RNF227: variants seen among roughly 807,000 people sequenced by gnomAD.
RNF227 encodes long intergenic non-protein coding RNA 2581.
RNF227 carries 8 observed loss-of-function variants against 4.9 expected under a neutral mutation model. The observed-to-expected ratio is 1.65, with a 90% CI of 0.97 to 2.98. The LOEUF (loss-of-function observed/expected upper bound fraction) is 2.98, where lower values mean the gene tolerates loss of function less well. Ranked by LOEUF, RNF227 falls within the 30% of genes most tolerant of loss-of-function variation. The pLI is 0.00. For synonymous variants in RNF227, 63 were observed against 28.1 expected, an observed-to-expected ratio of 2.25 and a Z score of -3.94; for missense variants, 136 against 65.4, an observed-to-expected ratio of 2.08 and a Z score of -3.72.
In RNF227 at chr17:7,915,756, C is replaced by G; in HGVS notation, c.440G>C (p.Gly147Ala). The change falls in exon 1 of 2, where the codon GGG becomes GCG. Residue 147 changes from glycine (G) to alanine (A), a missense_variant. Coordinates refer to ENST00000324348, the MANE Select transcript of RNF227 (RefSeq NM_001358699.2). ...CCAGAGCCGCCGGAGCGCGCGCCAC[C>G]CAGCACTCCTAGGCCCCGCCCCCTT... is the stretch of plus-strand genomic sequence containing the variant. ...SEKGAGPRSA[G>A]WRALRRLWDR... 1 of 702,694 alleles carries G rather than the reference C, an allele frequency of 1.4e-6. No individual in the cohort carries two copies. The highest frequency in any genetic ancestry group is 1.5e-5 in the South Asian group (1 of 67,598). The allele number at this position is 702,694 out of a possible 1,614,324, so 43.5% of individuals were successfully genotyped here. A position where few individuals can be genotyped will look rare whatever the true frequency, so the allele number is the denominator to read the frequency against.
Position 7,914,045 on chromosome 17 carries a change from T to A in RNF227, c.*1477A>T, listed in dbSNP as rs1971923484. ...AGGCAGAGCTTGCAGTGAGCCGAGA[T>A]CACGCCACTGCACTCCAGTCTGGGC... On this transcript the variant is annotated 3_prime_UTR_variant, in exon 2 of 2. Coordinates refer to ENST00000324348, the MANE Select transcript of RNF227 (RefSeq NM_001358699.2). The A allele has an allele frequency of 6.8e-6, 1 of 146,902 alleles. No homozygotes were observed. Among genetic ancestry groups the A allele is most frequent in the Admixed American group, 6.9e-5 (1 of 14,554 alleles). 9.1% of individuals were successfully genotyped at this position (146,902 alleles called of 1,614,324 possible).
chr17:7,915,830 CT>C lies in RNF227; in HGVS notation c.365del (p.Lys122ArgfsTer64), dbSNP rs1461508316. On this transcript the variant is annotated frameshift_variant, in exon 1 of 2. Coordinates refer to ENST00000324348, the MANE Select transcript of RNF227 (RefSeq NM_001358699.2). LOFTEE classifies it high-confidence loss of function. Reference protein sequence around the residue: ...CERDEAGNPAKESSDADGEAE... With the variant: ...CERDEAGNPAXESSDADGEAE... ...CCTCTCCGTCAGCGTCGCTGCTTTC[CT>C]TGGCCGGGTTCCCAGCCTCATCTCG... 1 of 702,828 alleles carries C rather than the reference CT, an allele frequency of 1.4e-6. No individual in the cohort carries two copies. The allele number at this position is 702,828 out of a possible 1,614,324, so 43.5% of individuals were successfully genotyped here. A position where few individuals can be genotyped will look rare whatever the true frequency, so the allele number is the denominator to read the frequency against.
rs891972374 is a variant in RNF227, at chr17:7,913,440, A to C, written c.*2082T>G. On this transcript the variant is annotated 3_prime_UTR_variant, in exon 2 of 2. Coordinates refer to ENST00000324348, the MANE Select transcript of RNF227 (RefSeq NM_001358699.2). ...GTCAGCCCTTGCTCCCATAGGGCTT[A>C]CACTCCAGTGGGGACACCCACAAAG... 1.3e-5 allele frequency: 2 copies of C among 152,198 alleles called. No homozygotes were observed. Among genetic ancestry groups the C allele is most frequent in the African/African-American group, 2.4e-5 (1 of 41,432 alleles). 9.4% of individuals were successfully genotyped at this position (152,198 alleles called of 1,614,324 possible).
Position 7,915,777 on chromosome 17 carries a change from C to G in RNF227, c.419G>C (p.Gly140Ala). 1 of 702,706 alleles carries G rather than the reference C, an allele frequency of 1.4e-6. No individual in the cohort carries two copies. Among genetic ancestry groups the G allele is most frequent in the Non-Finnish European group, 2.6e-6 (1 of 384,756 alleles). The allele number at this position is 702,706 out of a possible 1,614,324, so 43.5% of individuals were successfully genotyped here. A position where few individuals can be genotyped will look rare whatever the true frequency, so the allele number is the denominator to read the frequency against. Residue 140 changes from glycine (G) to alanine (A), a missense_variant, in exon 1 of 2, where the codon GGG (glycine) becomes GCG (alanine). Physicochemically the swap from Gly to Ala is moderately conservative, Grantham distance 60. Coordinates refer to ENST00000324348, the MANE Select transcript of RNF227 (RefSeq NM_001358699.2). ...CCACCCAGCACTCCTAGGCCCCGCC[C>G]CCTTCTCGCTCTCCCCTTCTTCCTC... ...EAEEEGESEK[G>A]AGPRSAGWRA...
rs1971966508 is a variant in RNF227, at chr17:7,916,014, C to A, written c.182G>T (p.Gly61Val). ...CLRELAARGD[G>V]GGAAARVVRL... The stretch of plus-strand genomic sequence containing the variant: ...CACCACGCGCGCGGCCGCCCCGCCG[C>A]CGTCCCCGCGCGCCGCCAGCTCGCG... Residue 61 changes from glycine (G) to valine (V), a missense_variant, in exon 1 of 2, where the codon GGC becomes GTC. Transcript: ENST00000324348. 2.9e-6 allele frequency: 1 copy of A among 350,184 alleles called. No homozygotes were observed. The allele number at this position is 350,184 out of a possible 1,614,324, so 21.7% of individuals were successfully genotyped here.
In RNF227 at chr17:7,916,101, G is replaced by A. The variant is rs1971968479; in HGVS notation, c.95C>T (p.Pro32Leu). 1 of 392,480 alleles carries A rather than the reference G, an allele frequency of 2.5e-6. No individual in the cohort carries two copies. The highest frequency in any genetic ancestry group is 1.3e-4 in the South Asian group (1 of 7,816). 24.3% of individuals were successfully genotyped at this position (392,480 alleles called of 1,614,324 possible). A position where few individuals can be genotyped will look rare whatever the true frequency, so the allele number is the denominator to read the frequency against. The change falls in exon 1 of 2, where the codon CCC becomes CTC. Residue 32 changes from proline to leucine, a missense_variant. Pro to Leu is a moderately conservative substitution (Grantham distance 98, BLOSUM62 -3). Transcript: ENST00000324348. ...YRPFNLGCRA[P>L]RRLPGTARAR... is the part of the protein sequence containing the mutation. ...GCGCGCCGTTCCGGGCAGGCGGCGG[G>A]GCGCGCGGCACCCGAGGTTGAAAGG...
At position 7,915,286 on chromosome 17, in the gene RNF227, C is replaced by T; in HGVS notation, c.*236G>A. 1 of 640,532 alleles carries T rather than the reference C, an allele frequency of 1.6e-6. No homozygotes were observed. The highest frequency in any genetic ancestry group is 2.9e-6 in the Non-Finnish European group (1 of 350,760). The allele number at this position is 640,532 out of a possible 1,614,324, so 39.7% of individuals were successfully genotyped here. On this transcript the variant is annotated 3_prime_UTR_variant, in exon 2 of 2. Coordinates refer to ENST00000324348, the MANE Select transcript of RNF227 (RefSeq NM_001358699.2). ...GTAACGTAGGCTTTGTTTATATCAT[C>T]CCTTGGCCACTCCATCCTGAAAATG...
chr17:7,913,429 C>T lies in RNF227; in HGVS notation c.*2093G>A, dbSNP rs1971904679. On this transcript the variant is annotated 3_prime_UTR_variant, in exon 2 of 2. Transcript: ENST00000324348. The stretch of plus-strand genomic sequence containing the variant: ...AACAGTCACAGGTCAGCCCTTGCTC[C>T]CATAGGGCTTACACTCCAGTGGGGA... The T allele has an allele frequency of 6.6e-6, 1 of 152,100 alleles. No individual in the cohort carries two copies. Among genetic ancestry groups the T allele is most frequent in the Admixed American group, 6.5e-5 (1 of 15,276 alleles). 9.4% of individuals were successfully genotyped at this position (152,100 alleles called of 1,614,324 possible). A position where few individuals can be genotyped will look rare whatever the true frequency, so the allele number is the denominator to read the frequency against.
rs1465850917 is a variant in RNF227 at position 7,915,899 on chromosome 17, G to A, written c.297C>T (p.Asp99=). Reference sequence around the variant, plus strand: ...CTTTTTCCTCCAATCGCGACCACAAGTCCGAGTCAAGAGCCATCTCCGTGA... The same window carrying A: ...CTTTTTCCTCCAATCGCGACCACAAATCCGAGTCAAGAGCCATCTCCGTGA... The part of the protein sequence containing the change: ...GGLTEMALDS[D]LWSRLEEKAR... The change falls in exon 1 of 2, where the codon GAC becomes GAT. Residue 99 remains aspartate (D), a synonymous_variant. Coordinates refer to ENST00000324348, the MANE Select transcript of RNF227 (RefSeq NM_001358699.2). 1 of 702,338 alleles carries A rather than the reference G, an allele frequency of 1.4e-6. No homozygotes were observed. The highest frequency in any genetic ancestry group is 1.5e-5 in the South Asian group (1 of 67,590). The allele number at this position is 702,338 out of a possible 1,614,324, so 43.5% of individuals were successfully genotyped here.
At position 7,913,520 on chromosome 17, in the gene RNF227, G is replaced by C. The variant is rs12944116; in HGVS notation, c.*2002C>G. On this transcript the variant is annotated 3_prime_UTR_variant, in exon 2 of 2. Coordinates refer to ENST00000324348, the MANE Select transcript of RNF227 (RefSeq NM_001358699.2). The stretch of plus-strand genomic sequence containing the variant: ...AGGGCATTATGTTACAGAGGGGTGG[G>C]GGAAAAGGCTCTACTATGTTGAAGG... 1 of 151,994 alleles carries C rather than the reference G, an allele frequency of 6.6e-6. No homozygotes were observed. The highest frequency in any genetic ancestry group is 2.4e-5 in the African/African-American group (1 of 41,344). The allele number at this position is 151,994 out of a possible 1,614,324, so 9.4% of individuals were successfully genotyped here.
At chr17:7,915,605 A>G (rs1269934269) in intron 1 of RNF227, 28 bp from the exon 2 acceptor site, 2 of 702,960 alleles carry the variant, frequency 2.8e-6, no homozygotes, top group African/African-American at 3.5e-5. Flanking sequence ...GGTTAGTGGC[A>G]GCAGGAGCAT....
Position 7,914,801 on chromosome 17 carries a change from T to A in RNF227, c.*721A>T, listed in dbSNP as rs771817371. 2.6e-5 allele frequency: 4 copies of A among 153,800 alleles called. No individual in the cohort carries two copies. Among genetic ancestry groups the A allele is most frequent in the Non-Finnish European group, 5.8e-5 (4 of 69,088 alleles). 9.5% of individuals were successfully genotyped at this position (153,800 alleles called of 1,614,324 possible). A position where few individuals can be genotyped will look rare whatever the true frequency, so the allele number is the denominator to read the frequency against. On this transcript the variant is annotated 3_prime_UTR_variant, in exon 2 of 2. Coordinates refer to ENST00000324348, the MANE Select transcript of RNF227 (RefSeq NM_001358699.2). The stretch of plus-strand genomic sequence containing the variant: ...ATAAGTATCTTTTCAGTAGCGCTAG[T>A]GTGTTCCCGTGACTGTAAAGATAAC...
chr17:7,916,115 G>A lies in RNF227; in HGVS notation c.81C>T (p.Leu27=), dbSNP rs1224506598. The part of the protein sequence containing the change: ...DCNICYRPFN[L]GCRAPRRLPG... ...GCAGGCGGCGGGGCGCGCGGCACCC[G>A]AGGTTGAAAGGACGGTAGCAGATGT... Residue 27 remains leucine (L), a synonymous_variant, in exon 1 of 2, where the codon CTC becomes CTT. Coordinates refer to ENST00000324348, the MANE Select transcript of RNF227 (RefSeq NM_001358699.2). The A allele has an allele frequency of 1.0e-5, 4 of 395,700 alleles. No individual in the cohort carries two copies. The highest frequency in any genetic ancestry group is 1.8e-5 in the Non-Finnish European group (4 of 224,274). 24.5% of individuals were successfully genotyped at this position (395,700 alleles called of 1,614,324 possible).
Position 7,915,821 on chromosome 17 carries a change from G to A in RNF227, c.375C>T (p.Ser125=). 1 of 702,748 alleles carries A rather than the reference G, an allele frequency of 1.4e-6. No individual in the cohort carries two copies. The highest frequency in any genetic ancestry group is 2.6e-6 in the Non-Finnish European group (1 of 384,754). The allele number at this position is 702,748 out of a possible 1,614,324, so 43.5% of individuals were successfully genotyped here. A position where few individuals can be genotyped will look rare whatever the true frequency, so the allele number is the denominator to read the frequency against. ...DEAGNPAKES[S]DADGEAEEEG... ...CTTCCTCCGCCTCTCCGTCAGCGTCGCTGCTTTCCTTGGCCGGGTTCCCAG... is the reference window on the plus strand; with the variant it reads ...CTTCCTCCGCCTCTCCGTCAGCGTCACTGCTTTCCTTGGCCGGGTTCCCAG... The change falls in exon 1 of 2, where the codon AGC becomes AGT. Residue 125 remains serine (S), a synonymous_variant. Transcript: ENST00000324348.
rs1472942983 is a variant in RNF227 at position 7,915,644 on chromosome 17, T to G, written c.517+35A>C. The G allele has an allele frequency of 1.7e-5, 12 of 702,652 alleles. No homozygotes were observed. In the East Asian group the frequency reaches 3.0e-4, roughly 17 times the overall value. The allele number at this position is 702,652 out of a possible 1,614,324, so 43.5% of individuals were successfully genotyped here. ...AACGAACCTCGGTATTCCTCGGCGCTCTCTCCCCTGCATCCTCCCCGGGCA... is the reference window on the plus strand; with the variant it reads ...AACGAACCTCGGTATTCCTCGGCGCGCTCTCCCCTGCATCCTCCCCGGGCA... On this transcript the variant is annotated intron_variant, in intron 1 of 1. Coordinates refer to ENST00000324348, the MANE Select transcript of RNF227 (RefSeq NM_001358699.2).
Position 7,916,167 on chromosome 17 carries a change from A to G in RNF227, c.29T>C (p.Leu10Pro). 2 of 395,518 alleles carry G rather than the reference A, an allele frequency of 5.1e-6. No individual in the cohort carries two copies. The highest frequency in any genetic ancestry group is 7.2e-5 in the East Asian group (2 of 27,934). The allele number at this position is 395,518 out of a possible 1,614,324, so 24.5% of individuals were successfully genotyped here. A position where few individuals can be genotyped will look rare whatever the true frequency, so the allele number is the denominator to read the frequency against. Residue 10 changes from leucine to proline, a missense_variant, in exon 1 of 2, where the codon CTT becomes CCT. Transcript: ENST00000324348. ...GCAGTCCAGCTCGCCCCGCTCCGGAAGAGAGGGTACCCTCACCAAGAGCTG... is the reference window on the plus strand; with the variant it reads ...GCAGTCCAGCTCGCCCCGCTCCGGAGGAGAGGGTACCCTCACCAAGAGCTG... MQLLVRVPS[L>P]PERGELDCNI...
rs562267242 is a variant in RNF227 at position 7,914,267 on chromosome 17, C to T, written c.*1255G>A. 5.4e-5 allele frequency: 8 copies of T among 149,472 alleles called. No individual in the cohort carries two copies. Among genetic ancestry groups the T allele is most frequent in the South Asian group, 4.3e-4 (2 of 4,666 alleles). The allele number at this position is 149,472 out of a possible 1,614,324, so 9.3% of individuals were successfully genotyped here. On this transcript the variant is annotated 3_prime_UTR_variant, in exon 2 of 2. Transcript: ENST00000324348. The stretch of plus-strand genomic sequence containing the variant: ...ATTGTTAAAATGCCAGAGTCTGGCC[C>T]GGCGCGGTGGCTCACTCCTATAATC...
Position 7,915,712 on chromosome 17 carries a change from C to CT in RNF227, c.483_484insA (p.Ala162SerfsTer10). 1.4e-6 allele frequency: 1 copy of CT among 701,764 alleles called. No homozygotes were observed. Among genetic ancestry groups the CT allele is most frequent in the Non-Finnish European group, 2.6e-6 (1 of 384,208 alleles). The allele number at this position is 701,764 out of a possible 1,614,324, so 43.5% of individuals were successfully genotyped here. On this transcript the variant is annotated frameshift_variant, in exon 1 of 2. Transcript: ENST00000324348. LOFTEE classifies it high-confidence loss of function. ...GGCAGCGGACGCCGCCAGCGCCGCG[C>CT]AGGCCCCAGGACCCTGTCCCAGAGC...
Position 7,915,871 on chromosome 17 carries a change from G to A in RNF227, c.325C>T (p.Arg109Trp), listed in dbSNP as rs940161224. The change falls in exon 1 of 2, where the codon CGG becomes TGG. Residue 109 changes from arginine to tryptophan, a missense_variant. By Grantham distance (101) the Arg-to-Trp change is moderately radical (BLOSUM62 -3). Coordinates refer to ENST00000324348, the MANE Select transcript of RNF227 (RefSeq NM_001358699.2). ...GCCTCATCTCGTTCGCACTTGGCCC[G>A]CGCTTTTTCCTCCAATCGCGACCAC... ...DLWSRLEEKA[R>W]AKCERDEAGN... The A allele has an allele frequency of 7.1e-6, 5 of 702,480 alleles. No homozygotes were observed. The highest frequency in any genetic ancestry group is 1.3e-5 in the Non-Finnish European group (5 of 384,724). The allele number at this position is 702,480 out of a possible 1,614,324, so 43.5% of individuals were successfully genotyped here. A position where few individuals can be genotyped will look rare whatever the true frequency, so the allele number is the denominator to read the frequency against.
Sources: gnomAD v4.1 joint callset for allele counts on GRCh38, gnomAD v4.1.1 for gene constraint, MANE v1.5 for transcripts, NCBI Gene and HGNC (gene_info 2026-07-23, HGNC 2026-07-21) for gene names.